Variants in PCDHGB1 observed in about 807,000 individuals in gnomAD.
PCDHGB1 encodes the protein protocadherin gamma-B1.
Under a neutral mutation model 56.6 loss-of-function variants are expected in PCDHGB1, and 34 were observed. The ratio of observed to expected loss-of-function variants is 0.60; its 90% CI spans 0.46 to 0.80. The LOEUF (loss-of-function observed/expected upper bound fraction) is 0.80. Among genes scored for constraint, PCDHGB1 ranks in the 30% least tolerant of loss-of-function variants. The pLI is 0.00. For missense variants in PCDHGB1, 1,278 were observed against 1,204.6 expected (o/e 1.06, Z -0.90); for synonymous variants, 561 against 505.9 (o/e 1.11, Z -1.46).
rs1338121700 is a variant in PCDHGB1, at chr5:141,352,519, C to G, written c.2259C>G (p.Ala753=). 2 of 1,613,892 alleles carry G rather than the reference C, an allele frequency of 1.2e-6. No individual in the cohort carries two copies. The highest frequency in any genetic ancestry group is 1.7e-6 in the Non-Finnish European group (2 of 1,179,898). ...TLPYSYNLCI[A]SHSAKTEFNS... is the part of the protein sequence containing the mutation. Reference sequence around the variant, plus strand: ...CCTATTCCTACAATCTATGTATTGCCTCTCATTCTGCAAAGACAGAGTTTA... The same window carrying G: ...CCTATTCCTACAATCTATGTATTGCGTCTCATTCTGCAAAGACAGAGTTTA... Residue 753 remains alanine (A), a synonymous_variant, in exon 1 of 4, where the codon GCC becomes GCG. Transcript: ENST00000523390.
intron 1 of PCDHGB1, chr5:141,364,596 G>A: frequency 6.2e-7 from 1 of 1,614,208 alleles, no homozygotes; most frequent in South Asian, 1.1e-5. Flanking sequence ...ACCGCGGGCA[G>A]GATAGACCGG....
intron 1 of PCDHGB1, among the ~76,000 whole-genome samples, chr5:141,481,126 A>G (rs2099532217): frequency 6.6e-6 from 1 of 152,222 alleles, no homozygotes. Context: ...CATTTAGCAT[A>G]TTTGTGAAGT....
At position 141,432,688 on chromosome 5, in the gene PCDHGB1, A is replaced by G. The variant is rs143889434; in HGVS notation, c.2410-62119A>G. On this transcript the variant is annotated intron_variant, in intron 1 of 3. Coordinates refer to ENST00000523390, the MANE Select transcript of PCDHGB1 (RefSeq NM_018922.3). The surrounding 1 kb of genome is among the most constrained non-coding windows in gnomAD (Gnocchi z 6.0). ...GAGACGCGCTCAAGCAGAGCCTCGT[A>G]GTGGCCGTCCAGGACCACGGCCAGC... 2,218 of 1,613,894 alleles carry G rather than the reference A, an allele frequency of 1.4e-3. 31 individuals are homozygous for G. The African/African-American group carries it at 0.023, about 17-fold the overall frequency.
chr5:141,427,611 G>A (rs747386422), intron 1 of PCDHGB1: 22 of 691,570 alleles, frequency 3.2e-5, no homozygotes, highest in Non-Finnish European at 5.5e-5. Context: ...CATTGGTGAA[G>A]TCAACGACAA....
chr5:141,497,497 C>T (rs1318882060), intron 2 of PCDHGB1, among the ~76,000 whole-genome samples: 1 of 151,714 alleles, frequency 6.6e-6, no homozygotes, highest in Non-Finnish European at 1.5e-5. Context: ...TCTCTCTCTC[C>T]TCTCTCTGCT....
intron 1 of PCDHGB1, among the ~76,000 whole-genome samples, chr5:141,407,824 G>C (rs2094986699): frequency 6.6e-6 from 1 of 152,190 alleles, no homozygotes; most frequent in South Asian, 2.1e-4. Context: ...TAATATTATG[G>C]TGAGAGCAAA....
chr5:141,442,702 T>G (rs1301940560), intron 1 of PCDHGB1, among the ~76,000 whole-genome samples: 6 of 152,224 alleles, frequency 3.9e-5, no homozygotes, highest in Non-Finnish European at 8.8e-5. Context: ...GACAAGAGTA[T>G]CAGACATGCC....
chr5:141,365,142 A>T (rs1168867612), intron 1 of PCDHGB1: 2 of 1,613,832 alleles, frequency 1.2e-6, no homozygotes, highest in Non-Finnish European at 1.7e-6. Flanking sequence ...GATCCAGATG[A>T]GGGAATAAAC....
chr5:141,424,195 A>C (rs2096804945), intron 1 of PCDHGB1: 1 of 183,680 alleles, frequency 5.4e-6, no homozygotes, highest in Non-Finnish European at 1.1e-5. Context: ...ACACACTTAT[A>C]CACGTAAGCT....
chr5:141,431,660 A>G lies in PCDHGB1; in HGVS notation c.2410-63147A>G. On this transcript the variant is annotated intron_variant, in intron 1 of 3. Transcript: ENST00000523390. This position sits in a 1 kb window ranked among gnomAD's most constrained non-coding sequence, Gnocchi z 4.8. ...CAAACTAGATTGTAATTCAGGGACA[A>G]TATCAACAATAGGGGAGTTGGACCA... 7 of 1,614,256 alleles carry G rather than the reference A, an allele frequency of 4.3e-6. No individual in the cohort carries two copies. The highest frequency in any genetic ancestry group is 5.1e-6 in the Non-Finnish European group (6 of 1,180,046).
At chr5:141,398,421 G>A in intron 1 of PCDHGB1, 2 of 1,510,606 alleles carry the variant, frequency 1.3e-6, no homozygotes, top group Non-Finnish European at 1.8e-6. Context: ...TATGCGGGAA[G>A]AAGCCAGCTT....
chr5:141,415,760 T>G (rs779762678), intron 1 of PCDHGB1: 355 of 1,388,296 alleles, frequency 2.6e-4, no homozygotes, highest in East Asian at 7.0e-4. Flanking sequence ...TTTTTTTTTT[T>G]TTTTTTTTTT....
At chr5:141,385,880 A>G (rs192436155) in intron 1 of PCDHGB1, 3 of 153,092 alleles carry the variant, frequency 2.0e-5, no homozygotes, top group Admixed American at 1.9e-4. Context: ...ATTTATGCCT[A>G]AAGAATGAAA....
intron 1 of PCDHGB1, chr5:141,366,845 A>G: frequency 6.8e-7 from 1 of 1,477,098 alleles, no homozygotes; most frequent in Non-Finnish European, 9.1e-7. Flanking sequence ...AGTTATGTAA[A>G]TAGTGGAACA....
chr5:141,506,262 A>G (rs1395369571), intron 3 of PCDHGB1, among the ~76,000 whole-genome samples: 1 of 152,046 alleles, frequency 6.6e-6, no homozygotes, highest in Admixed American at 6.6e-5. Context: ...CGGCCTGGCC[A>G]ACATAGTGAA....
intron 1 of PCDHGB1, chr5:141,355,525 C>T (rs372880202): frequency 6.2e-7 from 1 of 1,614,028 alleles, no homozygotes; most frequent in Non-Finnish European, 8.5e-7. Context: ...CCTGGAGATT[C>T]TTCTAGAAGA....
intron 1 of PCDHGB1, chr5:141,395,804 A>C (rs150880061): frequency 6.6e-6 from 1 of 152,224 alleles, no homozygotes; most frequent in Non-Finnish European, 1.5e-5. Context: ...ACCATCCTTC[A>C]AAACATGAAC....
At chr5:141,473,470 A>G (rs555568617) in intron 1 of PCDHGB1, among the ~76,000 whole-genome samples, 2 of 151,816 alleles carry the variant, frequency 1.3e-5, no homozygotes, top group South Asian at 4.2e-4. Flanking sequence ...AGTTGTGCCA[A>G]GTTCAATGGA....
Position 141,376,230 on chromosome 5 carries a change from T to C in PCDHGB1, c.2409+23561T>C, listed in dbSNP as rs567339650. The C allele has an allele frequency of 4.3e-6, 7 of 1,614,210 alleles. No homozygotes were observed. The East Asian group carries it at 6.7e-5, about 15-fold the overall frequency. ...GTCATCGTGCTGCTGGCGCTCAGACTGCAGCGCTGGCACAAGTCACGCCTG... is the reference window on the plus strand; with the variant it reads ...GTCATCGTGCTGCTGGCGCTCAGACCGCAGCGCTGGCACAAGTCACGCCTG... On this transcript the variant is annotated intron_variant, in intron 1 of 3. Coordinates refer to ENST00000523390, the MANE Select transcript of PCDHGB1 (RefSeq NM_018922.3).
Sources: allele counts gnomAD v4.1 joint callset (sites outside exome capture counted in the v4.1 genomes callset), GRCh38; gene constraint gnomAD v4.1.1; non-coding constraint Gnocchi (gnomAD v3.1); transcripts MANE v1.5; gene names NCBI Gene and HGNC (gene_info 2026-07-23, HGNC 2026-07-21).